AGPS: variants seen among roughly 807,000 people sequenced by gnomAD.
AGPS encodes alkylglycerone phosphate synthase, also known as alkyldihydroxyacetonephosphate synthase, peroxisomal.
A neutral mutation model predicts 90.7 loss-of-function variants in AGPS; 26 were observed. The ratio of observed to expected loss-of-function variants is 0.29; its 90% CI spans 0.21 to 0.40. The LOEUF is 0.40. Ranked by LOEUF, AGPS falls within the 10% of genes least tolerant of loss-of-function variation. AGPS has a pLI of 1.00. For missense variants in AGPS, 540 were observed against 816.1 expected (o/e 0.66, Z 4.12); for synonymous variants, 294 against 285.3 (o/e 1.03, Z -0.31).
chr2:177,514,917 A>G (rs1252856575), intron 17 of AGPS, among the ~76,000 whole-genome samples: 2 of 151,940 alleles, frequency 1.3e-5, no homozygotes, highest in African/African-American at 4.8e-5. Flanking sequence ...GTCCATGTTT[A>G]ACAAGCCTTG....
At chr2:177,493,014 C>A in intron 11 of AGPS, 134 bp from the exon 12 acceptor site, 1 of 771,916 alleles carries the variant, frequency 1.3e-6, no homozygotes, top group East Asian at 2.7e-5. Context: ...GAAAAGTTAA[C>A]TTTTTTTCCT....
At chr2:177,393,485 G>A in intron 1 of AGPS, 1 of 985,430 alleles carries the variant, frequency 1.0e-6, no homozygotes, top group African/African-American at 1.7e-5. Flanking sequence ...AAAGCCTGCT[G>A]TGGGGGAAAC....
chr2:177,436,690 G>A lies in AGPS; in HGVS notation c.442-74G>A, dbSNP rs1230354586. On this transcript the variant is annotated intron_variant, in intron 3 of 19. Coordinates refer to ENST00000264167, the MANE Select transcript of AGPS (RefSeq NM_003659.4). ...TTTAAAAAAAAGTCTACATTTTATA[G>A]TCATTCTCTCTAACTGAAGTACCCA... 1.7e-5 allele frequency: 24 copies of A among 1,431,438 alleles called. No individual in the cohort carries two copies. In the South Asian group the frequency reaches 2.4e-4, roughly 15 times the overall value. The allele number at this position is 1,431,438 out of a possible 1,614,324, so 88.7% of individuals were successfully genotyped here.
intron 6 of AGPS, 148 bp from the exon 7 acceptor site, chr2:177,442,259 G>C: frequency 1.5e-6 from 1 of 662,534 alleles, no homozygotes; most frequent in Non-Finnish European, 2.7e-6. Flanking sequence ...TAGTGTGTTA[G>C]CATTTGCAAG....
intron 10 of AGPS, among the ~76,000 whole-genome samples, chr2:177,471,918 G>A (rs1437862957): frequency 6.6e-6 from 1 of 151,898 alleles, no homozygotes; most frequent in African/African-American, 2.4e-5. Flanking sequence ...AATTTTCTTA[G>A]TAGGCTAATT....
chr2:177,460,969 T>G (rs981511197), intron 8 of AGPS, among the ~76,000 whole-genome samples: 2 of 152,250 alleles, frequency 1.3e-5, no homozygotes, highest in Non-Finnish European at 2.9e-5. Context: ...TTTCATATTT[T>G]GGATTACAAC....
In AGPS at chr2:177,413,644, C is replaced by A. The variant is rs545757964; in HGVS notation, c.261-6625C>A. Among the ~76,000 whole-genome samples the A allele has an allele frequency of 2.0e-5, 3 of 152,212 alleles. No homozygotes were observed. In the South Asian group the frequency reaches 6.2e-4, roughly 32 times the overall value. ...CAAGAGTCCAAGTGAAGGATATATC[C>A]TTTTCTCTTTGTCCTTTGCTATGAC... On this transcript the variant is annotated intron_variant, in intron 1 of 19. Transcript: ENST00000264167.
Position 177,448,786 on chromosome 2 carries a change from C to T in AGPS, c.870+3160C>T, listed in dbSNP as rs552880209. Reference sequence around the variant, plus strand: ...TCACAATCAAGATAATGAACATATCCACCAACCCCAAAAGTTTTCCTCTTT... The same window carrying T: ...TCACAATCAAGATAATGAACATATCTACCAACCCCAAAAGTTTTCCTCTTT... On this transcript the variant is annotated intron_variant, in intron 8 of 19. Coordinates refer to ENST00000264167, the MANE Select transcript of AGPS (RefSeq NM_003659.4). Among the ~76,000 whole-genome samples the T allele has an allele frequency of 2.0e-5, 3 of 152,132 alleles. No homozygotes were observed. The East Asian group carries it at 5.8e-4, about 29-fold the overall frequency.
intron 2 of AGPS, among the ~76,000 whole-genome samples, chr2:177,430,961 A>G (rs2105622087): frequency 6.6e-6 from 1 of 152,276 alleles, no homozygotes; most frequent in Non-Finnish European, 1.5e-5. Context: ...ATAATTTTTA[A>G]TTGAAGCTTT....
At chr2:177,438,876 G>A (rs1187584352) in intron 5 of AGPS, among the ~76,000 whole-genome samples, 1 of 152,050 alleles carries the variant, frequency 6.6e-6, no homozygotes, top group African/African-American at 2.4e-5. Flanking sequence ...TCCTACTGGC[G>A]ATGAAGTCCA....
intron 1 of AGPS, among the ~76,000 whole-genome samples, chr2:177,416,863 T>C (rs945726146): frequency 3.3e-5 from 5 of 152,170 alleles, no homozygotes; most frequent in African/African-American, 1.2e-4. Context: ...AAATTTGGTA[T>C]AGTTAGCTCT....
chr2:177,434,992 T>C (rs1686355639), intron 3 of AGPS, among the ~76,000 whole-genome samples: 1 of 68,906 alleles, frequency 1.5e-5, no homozygotes, highest in Non-Finnish European at 3.1e-5. Flanking sequence ...AACTTTAAAC[T>C]GTAGGTATAT....
At chr2:177,507,519 G>A (rs1032876360) in intron 15 of AGPS, among the ~76,000 whole-genome samples, 1 of 151,970 alleles carries the variant, frequency 6.6e-6, no homozygotes, top group Non-Finnish European at 1.5e-5. Context: ...TTGATTTTAA[G>A]AAAAAAATCT....
intron 10 of AGPS, among the ~76,000 whole-genome samples, chr2:177,472,998 A>C (rs748902229): frequency 2.0e-5 from 3 of 152,162 alleles, no homozygotes; most frequent in Non-Finnish European, 2.9e-5. Flanking sequence ...TTCTGGGAGT[A>C]ATTTTGGCTG....
chr2:177,432,916 C>G (rs1056763792), intron 2 of AGPS, among the ~76,000 whole-genome samples: 2 of 152,134 alleles, frequency 1.3e-5, no homozygotes, highest in Non-Finnish European at 2.9e-5. Context: ...AGGGAGGTGC[C>G]AGGCTCTTTT....
chr2:177,397,314 A>G (rs1201285627), intron 1 of AGPS, among the ~76,000 whole-genome samples: 2 of 151,700 alleles, frequency 1.3e-5, no homozygotes, highest in Middle Eastern at 3.2e-3. Context: ...GTGACAGTTT[A>G]CTCTTGGATC....
chr2:177,467,866 A>G (rs1416281236), intron 9 of AGPS, among the ~76,000 whole-genome samples: 1 of 152,112 alleles, frequency 6.6e-6, no homozygotes, highest in African/African-American at 2.4e-5. Flanking sequence ...GATGAGTCAC[A>G]CATCTCTTTC....
chr2:177,425,573 A>G (rs1686056194), intron 2 of AGPS, among the ~76,000 whole-genome samples: 1 of 146,472 alleles, frequency 6.8e-6, no homozygotes. Context: ...GTGAGCCAAG[A>G]TCACGCCATT....
chr2:177,439,237 G>A (rs1686520271), intron 5 of AGPS, among the ~76,000 whole-genome samples: 1 of 152,186 alleles, frequency 6.6e-6, no homozygotes, highest in African/African-American at 2.4e-5. Context: ...GTGCTCTCAA[G>A]TGCCATACAA....
Sources: gnomAD v4.1 joint callset for allele counts (sites outside exome capture counted in the v4.1 genomes callset) on GRCh38, gnomAD v4.1.1 for gene constraint, MANE v1.5 for transcripts, NCBI Gene and HGNC (gene_info 2026-07-23, HGNC 2026-07-21) for gene names.